Variants in BRINP1 observed in about 807,000 individuals in gnomAD.
BRINP1 encodes the protein BMP/retinoic acid inducible neural specific 1, also known as BMP/retinoic acid-inducible neural-specific protein 1.
A neutral mutation model predicts 72.9 loss-of-function variants in BRINP1; 17 were observed. That is an observed-to-expected ratio of 0.23 (90% confidence interval 0.16 to 0.35). The LOEUF (loss-of-function observed/expected upper bound fraction) is 0.35. Ranked by LOEUF, BRINP1 falls within the 10% of genes least tolerant of loss-of-function variation. The pLI, the probability that BRINP1 is intolerant of heterozygous loss-of-function variation, is 1.00. For missense variants in BRINP1, 850 were observed against 1,001.6 expected, an observed-to-expected ratio of 0.85 and a Z score of 2.04; for synonymous variants, 418 against 378.5, an observed-to-expected ratio of 1.10 and a Z score of -1.21.
At chr9:119,169,221 G>A (rs1331768521) in intron 7 of BRINP1, among the ~76,000 whole-genome samples, 5 of 152,222 alleles carry the variant, frequency 3.3e-5, no homozygotes, top group African/African-American at 4.8e-5. Context: ...GAGGTACCGG[G>A]TGCATCTCAC....
chr9:119,303,397 C>T (rs1830961657), intron 2 of BRINP1, among the ~76,000 whole-genome samples: 1 of 151,676 alleles, frequency 6.6e-6, no homozygotes, highest in Admixed American at 6.6e-5. Flanking sequence ...ACAAATGTCC[C>T]CTGAGCATTA....
In BRINP1 at chr9:119,312,359, T is replaced by G. The variant is rs368689977; in HGVS notation, c.218+779A>C. Among the ~76,000 whole-genome samples the G allele has an allele frequency of 3.9e-5, 6 of 152,344 alleles. No homozygotes were observed. In the East Asian group the frequency reaches 1.2e-3, roughly 29 times the overall value. ...CTGGGGAGGATCTAGAAATGAATTC[T>G]GTATAGGTCATTCCCTCAAAGAGTT... is the stretch of plus-strand genomic sequence containing the variant. On this transcript the variant is annotated intron_variant, in intron 2 of 7. Coordinates refer to ENST00000265922, the MANE Select transcript of BRINP1 (RefSeq NM_014618.3).
chr9:119,216,050 C>T (rs1049778561), intron 5 of BRINP1, among the ~76,000 whole-genome samples: 9 of 152,190 alleles, frequency 5.9e-5, no homozygotes, highest in African/African-American at 1.2e-4. Flanking sequence ...AGCAAGCAAA[C>T]AATAAATGTT....
At position 119,301,584 on chromosome 9, in the gene BRINP1, G is replaced by A. The variant is rs184577959; in HGVS notation, c.218+11554C>T. Among the ~76,000 whole-genome samples the A allele has an allele frequency of 2.6e-5, 4 of 152,282 alleles. 1 individual carries two copies. The East Asian group carries it at 5.8e-4, about 22-fold the overall frequency. ...TAAGAAACATCTTTGTGGTGAGGGA[G>A]CTGTTCTGTCTCTTGATCGCAGTGG... On this transcript the variant is annotated intron_variant, in intron 2 of 7. Coordinates refer to ENST00000265922, the MANE Select transcript of BRINP1 (RefSeq NM_014618.3).
In BRINP1 at chr9:119,368,059, C is replaced by T. The variant is rs537455271; in HGVS notation, c.-51+997G>A. Among the ~76,000 whole-genome samples, 11 of 152,306 alleles carry T rather than the reference C, an allele frequency of 7.2e-5. No individual in the cohort carries two copies. Among genetic ancestry groups the T allele is most frequent in the Admixed American group, 2.6e-4 (4 of 15,300 alleles). ...CCCCAGATGAAATTTCCTCTGAGAC[C>T]CTTTGCAACTGTGATGGATGAGCAA... On this transcript the variant is annotated intron_variant, in intron 1 of 7. Coordinates refer to ENST00000265922, the MANE Select transcript of BRINP1 (RefSeq NM_014618.3). This position sits in a 1 kb window ranked among gnomAD's most constrained non-coding sequence, Gnocchi z 4.7.
chr9:119,323,638 A>C (rs903891529), intron 1 of BRINP1, among the ~76,000 whole-genome samples: 5 of 152,254 alleles, frequency 3.3e-5, no homozygotes, highest in African/African-American at 1.2e-4. Flanking sequence ...AAATGCTGCC[A>C]GTAAGAAAAG....
chr9:119,249,989 G>A (rs1315825380), intron 2 of BRINP1, among the ~76,000 whole-genome samples: 3 of 137,178 alleles, frequency 2.2e-5, no homozygotes, highest in African/African-American at 8.3e-5. Flanking sequence ...AGGAAGGAAG[G>A]AAGGGAGAGA....
At chr9:119,227,035 A>T (rs1830099101) in intron 5 of BRINP1, among the ~76,000 whole-genome samples, 1 of 152,060 alleles carries the variant, frequency 6.6e-6, no homozygotes, top group South Asian at 2.1e-4. Flanking sequence ...TACATGAAAT[A>T]TTCATGTAAA....
Position 119,167,038 on chromosome 9 carries a change from T to C in BRINP1, c.*46A>G. On this transcript the variant is annotated 3_prime_UTR_variant, in exon 8 of 8. Transcript: ENST00000265922. This position sits in a 1 kb window ranked among gnomAD's most constrained non-coding sequence, Gnocchi z 4.3. ...TTTGTTTTGCTTCATTTTGTTCTGT[T>C]GTGTGTGTACAACAACAGGAAAAGT... The C allele has an allele frequency of 1.3e-6, 2 of 1,528,098 alleles. No individual in the cohort carries two copies. Among genetic ancestry groups the C allele is most frequent in the Non-Finnish European group, 1.8e-6 (2 of 1,132,754 alleles). The allele number at this position is 1,528,098 out of a possible 1,614,324, so 94.7% of individuals were successfully genotyped here.
Position 119,196,164 on chromosome 9 carries a change from A to G in BRINP1, c.1145+12555T>C, listed in dbSNP as rs144653773. Among the ~76,000 whole-genome samples the G allele has an allele frequency of 6.7e-3, 1,027 of 152,280 alleles. 9 individuals carry two copies. The highest frequency in any genetic ancestry group is 0.023 in the African/African-American group (964 of 41,554). On this transcript the variant is annotated intron_variant, in intron 7 of 7. Transcript: ENST00000265922. ...TGTGACCATATTTAAGGCAGTGAAG[A>G]CAGACTTAATCCAAGTCTGGTATGG...
chr9:119,348,537 A>C (rs1329902220), intron 1 of BRINP1, among the ~76,000 whole-genome samples: 3 of 152,130 alleles, frequency 2.0e-5, no homozygotes, highest in Admixed American at 2.0e-4. Context: ...TCGCTGTACC[A>C]TTTTGCATCC....
At chr9:119,195,649 C>T (rs1829730393) in intron 7 of BRINP1, among the ~76,000 whole-genome samples, 1 of 152,236 alleles carries the variant, frequency 6.6e-6, no homozygotes, top group Admixed American at 6.5e-5. Context: ...AAATGGAGCA[C>T]CTTCCTGCTG....
chr9:119,173,023 T>C (rs1829435343), intron 7 of BRINP1, among the ~76,000 whole-genome samples: 1 of 147,280 alleles, frequency 6.8e-6, no homozygotes, highest in Non-Finnish European at 1.5e-5. Context: ...ACAGCCGATA[T>C]CATACTGAAT....
At position 119,352,821 on chromosome 9, in the gene BRINP1, C is replaced by A. The variant is rs149086999; in HGVS notation, c.-51+16235G>T. On this transcript the variant is annotated intron_variant, in intron 1 of 7. Transcript: ENST00000265922. ...TTTGATAAATTATGAAATCCTGCAA[C>A]TTATGATTCAAAGATGCCAACAGTA... Among the ~76,000 whole-genome samples the A allele has an allele frequency of 1.9e-3, 285 of 152,320 alleles. 2 individuals are homozygous for A. The highest frequency in any genetic ancestry group is 6.5e-3 in the African/African-American group (270 of 41,578).
At chr9:119,257,930 T>A (rs1246263938) in intron 2 of BRINP1, among the ~76,000 whole-genome samples, 1 of 151,702 alleles carries the variant, frequency 6.6e-6, no homozygotes, top group Admixed American at 6.6e-5. Context: ...AACAGCCACA[T>A]CCAGGCAGAT....
chr9:119,170,392 T>G (rs1829390892), intron 7 of BRINP1, among the ~76,000 whole-genome samples: 1 of 149,586 alleles, frequency 6.7e-6, no homozygotes, highest in African/African-American at 2.5e-5. Flanking sequence ...CAATGGAAGA[T>G]GAAATGAATG....
rs74652419 is a variant in BRINP1 at position 119,279,079 on chromosome 9, A to G, written c.219-29929T>C. Among the ~76,000 whole-genome samples, 618 of 152,356 alleles carry G rather than the reference A, an allele frequency of 4.1e-3. 3 individuals carry two copies. The highest frequency in any genetic ancestry group is 0.014 in the African/African-American group (600 of 41,590). On this transcript the variant is annotated intron_variant, in intron 2 of 7. Coordinates refer to ENST00000265922, the MANE Select transcript of BRINP1 (RefSeq NM_014618.3). The stretch of plus-strand genomic sequence containing the variant: ...ATTTACCAGGGCTCAAAGTAAAACA[A>G]GTACAGAGCCAAGTTGAGAACTCTG...
intron 2 of BRINP1, among the ~76,000 whole-genome samples, chr9:119,269,271 A>T (rs1830583710): frequency 6.6e-6 from 1 of 152,240 alleles, no homozygotes; most frequent in African/African-American, 2.4e-5. Flanking sequence ...AACACTGTGA[A>T]ATTATCAATA....
intron 7 of BRINP1, among the ~76,000 whole-genome samples, chr9:119,176,368 G>T (rs1229486216): frequency 6.6e-6 from 1 of 152,116 alleles, no homozygotes; most frequent in Non-Finnish European, 1.5e-5. Context: ...AATTTGCATT[G>T]TACTCTCTGT....
Sources: gnomAD v4.1 joint callset for allele counts (sites outside exome capture counted in the v4.1 genomes callset) on GRCh38, gnomAD v4.1.1 for gene constraint, Gnocchi (gnomAD v3.1) non-coding constraint, MANE v1.5 for transcripts, NCBI Gene and HGNC (gene_info 2026-07-23, HGNC 2026-07-21) for gene names.